Variants in TMT1B observed in about 807,000 individuals in gnomAD.
TMT1B encodes the protein thiol S-methyltransferase TMT1B.
chr12:55,682,723 A>G, the TMT1B span, among the ~76,000 whole-genome samples: 1 of 151,944 alleles, frequency 6.6e-6, no homozygotes, highest in Non-Finnish European at 1.5e-5. Flanking sequence ...GTTCAAAGTT[A>G]CAGTGAACTA....
chr12:55,682,016 T>C, the TMT1B span: 1 of 1,614,254 alleles, frequency 6.2e-7, no homozygotes, highest in Admixed American at 1.7e-5. Flanking sequence ...CTTTCAGTTC[T>C]ACCCACCGGG....
At chr12:55,683,183 T>A in the TMT1B span, among the ~76,000 whole-genome samples, 6 of 152,046 alleles carry the variant, frequency 3.9e-5, no homozygotes, top group East Asian at 1.2e-3. Context: ...GTGAGAGAGG[T>A]TGTGCGTGTA....
the TMT1B span, among the ~76,000 whole-genome samples, chr12:55,682,961 ATGAGCAAC>A: frequency 6.6e-6 from 1 of 152,188 alleles, no homozygotes; most frequent in Non-Finnish European, 1.5e-5. Context: ...GGTTTCTAGC[ATGAGCAAC>A]TGAGGGGAGA....
the TMT1B span, chr12:55,682,294 G>C: frequency 1.3e-6 from 2 of 1,576,282 alleles, no homozygotes. Flanking sequence ...GCAGGCAAAC[G>C]CAGCATCAGC....
chr12:55,683,674 C>T, the TMT1B span: 1 of 795,192 alleles, frequency 1.3e-6, no homozygotes, highest in Non-Finnish European at 2.1e-6. Context: ...CAGAAAAGGT[C>T]AGGGGCACGA....
At chr12:55,683,850 C>G in the TMT1B span, 1 of 1,614,054 alleles carries the variant, frequency 6.2e-7, no homozygotes, top group Non-Finnish European at 8.5e-7. Context: ...GTGGCAGAAC[C>G]ATATGGAAGC....
chr12:55,681,780 A>G, the TMT1B span: 1 of 1,551,810 alleles, frequency 6.4e-7, no homozygotes, highest in South Asian at 1.2e-5. Context: ...CCACTCCTGC[A>G]GCTGCTGGTG....
At chr12:55,682,628 A>T in the TMT1B span, among the ~76,000 whole-genome samples, 1 of 128,388 alleles carries the variant, frequency 7.8e-6, no homozygotes, top group Non-Finnish European at 1.7e-5. Flanking sequence ...AAAAAAAAAA[A>T]TACAAAAGCT....
At chr12:55,681,747 G>C in the TMT1B span, 2 of 1,543,422 alleles carry the variant, frequency 1.3e-6, no homozygotes, top group Admixed American at 2.0e-5. Flanking sequence ...GCTCAGAGCT[G>C]GTCTGCCATG....
chr12:55,684,263 G>C, the TMT1B span: 2 of 542,718 alleles, frequency 3.7e-6, no homozygotes, highest in African/African-American at 3.8e-5. Context: ...CTACTTCTAC[G>C]CTGACCCAGG....
the TMT1B span, chr12:55,684,229 C>T: frequency 1.6e-6 from 1 of 608,480 alleles, no homozygotes. Flanking sequence ...TAACTTCAAT[C>T]CCGCCTTCGA....
At chr12:55,682,607 C>CAAAAA in the TMT1B span, among the ~76,000 whole-genome samples, 1 of 104,176 alleles carries the variant, frequency 9.6e-6, no homozygotes, top group Non-Finnish European at 1.9e-5. Flanking sequence ...GCCGTCTCTA[C>CAAAAA]AAAAAAAAAA....
At chr12:55,684,233 C>T in the TMT1B span, 1 of 597,728 alleles carries the variant, frequency 1.7e-6, no homozygotes, top group African/African-American at 1.9e-5. Context: ...TTCAATCCCG[C>T]CTTCGACAGT....
the TMT1B span, chr12:55,683,907 T>C: frequency 2.1e-4 from 340 of 1,614,112 alleles, 5 homozygotes; most frequent in Middle Eastern, 4.8e-3. Flanking sequence ...TGGAAACACA[T>C]TGGGGATGGC....
the TMT1B span, among the ~76,000 whole-genome samples, chr12:55,682,676 C>T: frequency 6.6e-6 from 1 of 151,164 alleles, no homozygotes; most frequent in Non-Finnish European, 1.5e-5. Context: ...GTCCTAGCTA[C>T]TCAGGAAGCT....
At chr12:55,682,807 A>AT in the TMT1B span, among the ~76,000 whole-genome samples, 2 of 56,450 alleles carry the variant, frequency 3.5e-5, no homozygotes, top group South Asian at 1.4e-3. Context: ...AAATAAATAA[A>AT]AAGAGAGAGA....
At chr12:55,683,102 T>C in the TMT1B span, among the ~76,000 whole-genome samples, 1 of 152,062 alleles carries the variant, frequency 6.6e-6, no homozygotes, top group Admixed American at 6.6e-5. Flanking sequence ...CAGTCAAGAG[T>C]TGGGCCTGAG....
chr12:55,682,115 C>T, the TMT1B span: 21 of 1,614,010 alleles, frequency 1.3e-5, no homozygotes, highest in East Asian at 1.8e-4. Flanking sequence ...CCAATATGAG[C>T]GGTTTGTGGT....
the TMT1B span, chr12:55,683,844 C>A: frequency 6.2e-7 from 1 of 1,614,036 alleles, no homozygotes; most frequent in Non-Finnish European, 8.5e-7. Flanking sequence ...GAGCATGTGG[C>A]AGAACCATAT....
Sources: gnomAD v4.1 joint callset for allele counts (sites outside exome capture counted in the v4.1 genomes callset) on GRCh38, gnomAD v4.1.1 for gene constraint, MANE v1.5 for transcripts, NCBI Gene and HGNC (gene_info 2026-07-23, HGNC 2026-07-21) for gene names.